Variants in KLHL8 observed in about 807,000 individuals in gnomAD.
KLHL8 encodes the protein kelch-like protein 8.
In KLHL8, 38 loss-of-function variants were observed where a neutral mutation model predicts 63.5. That is an observed-to-expected ratio of 0.60 (90% CI 0.46 to 0.78). The LOEUF is 0.78. Ranked by LOEUF, KLHL8 falls within the 30% of genes least tolerant of loss-of-function variation. KLHL8 has a pLI of 0.00. For synonymous variants in KLHL8, 224 were observed against 254.3 expected (o/e 0.88, Z 1.13); for missense variants, 566 against 752.4 (o/e 0.75, Z 2.90).
chr4:87,221,381 A>C (rs1732839053), upstream of KLHL8: 1 of 144,544 alleles, frequency 6.9e-6, no homozygotes. Flanking sequence ...GCGACAGAGC[A>C]AGACTCCGTC....
intron 3 of KLHL8, 70 bp from the exon 4 acceptor site, chr4:87,183,459 G>T: frequency 8.1e-7 from 1 of 1,227,386 alleles, no homozygotes; most frequent in Non-Finnish European, 1.1e-6. Flanking sequence ...TCTAAAAATT[G>T]TATCAAATAA....
At chr4:87,237,468 A>C (rs1733252202) in intron 1 of KLHL8, among the ~76,000 whole-genome samples, 1 of 152,210 alleles carries the variant, frequency 6.6e-6, no homozygotes, top group South Asian at 2.1e-4. Flanking sequence ...ACAGAAAATT[A>C]GCCTAGTTCT....
chr4:87,207,428 G>T, intron 1 of KLHL8: 1 of 697,982 alleles, frequency 1.4e-6, no homozygotes, highest in South Asian at 1.5e-5. Flanking sequence ...TTGCAGGAAG[G>T]AGCCAAAAGG....
intron 1 of KLHL8, among the ~76,000 whole-genome samples, chr4:87,234,687 T>A (rs1733196688): frequency 6.6e-6 from 1 of 152,140 alleles, no homozygotes; most frequent in Non-Finnish European, 1.5e-5. Context: ...TATTTTAGAG[T>A]ATACTCCTAC....
chr4:87,210,321 A>G (rs961152515), intron 1 of KLHL8, among the ~76,000 whole-genome samples: 1 of 152,180 alleles, frequency 6.6e-6, no homozygotes, highest in Non-Finnish European at 1.5e-5. Flanking sequence ...ACTAAAAAAA[A>G]CACAAAAAAC....
chr4:87,185,574 GC>G lies in KLHL8; in HGVS notation c.441del (p.Gln148ArgfsTer13). 8 of 1,614,212 alleles carry G rather than the reference GC, an allele frequency of 5.0e-6. No individual in the cohort carries two copies. The highest frequency in any genetic ancestry group is 6.8e-6 in the Non-Finnish European group (8 of 1,180,034). ...VQPLLYAACI[L>X]QVELVARACC... ...CAAGCTCTAGCCACCAGTTCAACCT[GC>G]AGAATACAGGCTGCATATAAGAGAG... On this transcript the variant is annotated frameshift_variant, in exon 3 of 10. Coordinates refer to ENST00000273963, the MANE Select transcript of KLHL8 (RefSeq NM_020803.5). LOFTEE classifies it high-confidence loss of function.
chr4:87,197,751 A>C (rs993297489), intron 1 of KLHL8, among the ~76,000 whole-genome samples: 4 of 152,150 alleles, frequency 2.6e-5, no homozygotes, highest in Non-Finnish European at 5.9e-5. Flanking sequence ...CCACTGTAAT[A>C]TCTCTCTTAA....
intron 1 of KLHL8, chr4:87,207,704 T>A: frequency 1.1e-6 from 1 of 910,108 alleles, no homozygotes; most frequent in South Asian, 1.3e-5. Flanking sequence ...CAGAACATCA[T>A]CCCTGCCTCT....
In KLHL8 at chr4:87,187,171, CATA is replaced by C. The variant is rs1229277821; in HGVS notation, c.217-1375_217-1373del. On this transcript the variant is annotated intron_variant, in intron 2 of 9. Transcript: ENST00000273963. ...AGGATACAATGTGAATATGTGAATA[CATA>C]ATGTCAAACTGTCCATTTCTGAGCT... Among the ~76,000 whole-genome samples the C allele has an allele frequency of 3.3e-5, 5 of 152,284 alleles. No individual in the cohort carries two copies. The East Asian group carries it at 9.6e-4, about 29-fold the overall frequency.
intron 8 of KLHL8, among the ~76,000 whole-genome samples, chr4:87,165,084 C>T (rs536287116): frequency 6.3e-5 from 9 of 143,492 alleles, no homozygotes; most frequent in East Asian, 4.2e-4. Flanking sequence ...GGGAGGCGGA[C>T]GCTTGCAGTG....
At position 87,185,580 on chromosome 4, in the gene KLHL8, T is replaced by G. The variant is rs770955967; in HGVS notation, c.436A>C (p.Ile146Leu). The change falls in exon 3 of 10, where the codon ATT becomes CTT. Residue 146 changes from isoleucine (I) to leucine (L), a missense_variant. By Grantham distance (5) the Ile-to-Leu change is conservative. Transcript: ENST00000273963. ...CTAGCCACCAGTTCAACCTGCAGAA[T>G]ACAGGCTGCATATAAGAGAGGCTGG... is the stretch of plus-strand genomic sequence containing the variant. ...NVQPLLYAAC[I>L]LQVELVARAC... 37 of 1,614,118 alleles carry G rather than the reference T, an allele frequency of 2.3e-5. No homozygotes were observed. The African/African-American group carries it at 4.4e-4, about 19-fold the overall frequency.
chr4:87,193,090 T>C (rs148374325), intron 2 of KLHL8, among the ~76,000 whole-genome samples: 2 of 152,304 alleles, frequency 1.3e-5, no homozygotes, highest in East Asian at 3.8e-4. Context: ...TATTTTTCTT[T>C]CTTTCATAAT....
At chr4:87,187,491 C>T (rs1731311220) in intron 2 of KLHL8, among the ~76,000 whole-genome samples, 2 of 148,740 alleles carry the variant, frequency 1.3e-5, no homozygotes, top group Admixed American at 6.8e-5. Flanking sequence ...TTTATAAGTA[C>T]TCATCATATA....
chr4:87,232,395 T>C (rs368657930), intron 1 of KLHL8, among the ~76,000 whole-genome samples: 18 of 152,352 alleles, frequency 1.2e-4, no homozygotes, highest in African/African-American at 4.1e-4. Flanking sequence ...ACATACTATT[T>C]CATCATATGA....
chr4:87,200,710 C>T (rs951715288), intron 1 of KLHL8, among the ~76,000 whole-genome samples: 2 of 152,130 alleles, frequency 1.3e-5, no homozygotes, highest in African/African-American at 4.8e-5. Flanking sequence ...GCTTCCATAG[C>T]TGCTATGGAA....
At chr4:87,190,367 A>G (rs1348291953) in intron 2 of KLHL8, among the ~76,000 whole-genome samples, 1 of 152,122 alleles carries the variant, frequency 6.6e-6, no homozygotes, top group African/African-American at 2.4e-5. Context: ...CCTACTGGCC[A>G]GGGGCAGTGG....
chr4:87,188,298 G>A (rs964923850), intron 2 of KLHL8, among the ~76,000 whole-genome samples: 1 of 152,130 alleles, frequency 6.6e-6, no homozygotes, highest in Admixed American at 6.5e-5. Context: ...GCAAATATTT[G>A]TAAGTCTCAC....
chr4:87,227,910 T>G (rs1458117908), intron 1 of KLHL8, among the ~76,000 whole-genome samples: 1 of 152,160 alleles, frequency 6.6e-6, no homozygotes, highest in Non-Finnish European at 1.5e-5. Context: ...CAACCCTGTA[T>G]ATTCTCTGCC....
chr4:87,212,302 T>A, intron 1 of KLHL8, among the ~76,000 whole-genome samples: 1 of 152,208 alleles, frequency 6.6e-6, no homozygotes, highest in African/African-American at 2.4e-5. Context: ...CTAGTAATTT[T>A]TTTTTGAAAA....
Sources: gnomAD v4.1 joint callset for allele counts (sites outside exome capture counted in the v4.1 genomes callset) on GRCh38, gnomAD v4.1.1 for gene constraint, MANE v1.5 for transcripts, NCBI Gene and HGNC (gene_info 2026-07-23, HGNC 2026-07-21) for gene names.